JAG2: variants seen among roughly 807,000 people sequenced by gnomAD.
JAG2 encodes the protein jagged canonical Notch ligand 2.
A neutral mutation model predicts 141.7 loss-of-function variants in JAG2; 46 were observed. The observed-to-expected ratio is 0.32, with a 90% confidence interval of 0.26 to 0.42. The LOEUF is 0.42. Ranked by LOEUF, JAG2 falls within the 10% of genes least tolerant of loss-of-function variation. The probability of loss-of-function intolerance (pLI) is 1.00; values close to 1 mark genes in which losing one functional copy is unlikely to be tolerated. For missense variants in JAG2, 1,500 were observed against 1,817.5 expected, an observed-to-expected ratio of 0.83 and a Z score of 3.18; for synonymous variants, 862 against 763.5, an observed-to-expected ratio of 1.13 and a Z score of -2.13.
rs1193759039 is a variant in JAG2 at position 105,143,542 on chromosome 14, G to C, written c.3181C>G (p.Leu1061Val). Residue 1061 changes from leucine (L) to valine (V), a missense_variant, in exon 25 of 26, where the codon CTG (leucine) becomes GTG (valine). Coordinates refer to ENST00000331782, the MANE Select transcript of JAG2 (RefSeq NM_002226.5). Reference sequence around the variant, plus strand: ...TTGACCTCGGTGACAGCCAGGAGCAGTGAGCTGTTCCCCCGCTGGGTGATG... The same window carrying C: ...TTGACCTCGGTGACAGCCAGGAGCACTGAGCTGTTCCCCCGCTGGGTGATG... Reference protein sequence around the residue: ...AAITQRGNSSLLLAVTEVKVE... With the variant: ...AAITQRGNSSVLLAVTEVKVE... 10 of 1,593,738 alleles carry C rather than the reference G, an allele frequency of 6.3e-6. No individual in the cohort carries two copies. The highest frequency in any genetic ancestry group is 8.5e-6 in the Non-Finnish European group (10 of 1,173,032).
intron 1 of JAG2, 121 bp from the exon 2 acceptor site, chr14:105,168,228 C>A: frequency 3.4e-6 from 3 of 882,138 alleles, no homozygotes; most frequent in Non-Finnish European, 4.2e-6. Flanking sequence ...CGCCCGGAGC[C>A]CCAGCCGCCG....
intron 2 of JAG2, among the ~76,000 whole-genome samples, chr14:105,163,011 C>T (rs1012312757): frequency 5.3e-5 from 8 of 151,462 alleles, no homozygotes; most frequent in South Asian, 2.1e-4. Context: ...GCCCCGCTAA[C>T]GGCCCCCCCA....
Position 105,142,308 on chromosome 14 carries a change from C to T in JAG2, c.*387G>A, listed in dbSNP as rs587730455. The T allele has an allele frequency of 1.8e-3, 396 of 215,926 alleles. 4 individuals are homozygous for T. The highest frequency in any genetic ancestry group is 8.7e-3 in the African/African-American group (366 of 42,144). 13.4% of individuals were successfully genotyped at this position (215,926 alleles called of 1,614,324 possible). ...ACACCAACACAGCCATGGGTCTCAC[C>T]GGCACTTTGGCCTGGAGCCACAGAG... On this transcript the variant is annotated 3_prime_UTR_variant, in exon 26 of 26. Coordinates refer to ENST00000331782, the MANE Select transcript of JAG2 (RefSeq NM_002226.5).
chr14:105,164,651 C>A (rs1372858420), intron 2 of JAG2, among the ~76,000 whole-genome samples: 6 of 152,104 alleles, frequency 3.9e-5, no homozygotes, highest in African/African-American at 1.2e-4. Context: ...AGCCCTAGGG[C>A]GGCTGGATGC....
chr14:105,157,380 T>A (rs973587180), intron 3 of JAG2, among the ~76,000 whole-genome samples: 4 of 151,530 alleles, frequency 2.6e-5, no homozygotes, highest in Admixed American at 2.6e-4. Flanking sequence ...GGCTCCATGC[T>A]CCAGTACAGA....
rs760779273 is a variant in JAG2, at chr14:105,150,913, T to G, written c.1382-2A>C. On this transcript the variant is annotated splice_acceptor_variant, in intron 10 of 25. Transcript: ENST00000331782. LOFTEE classifies it high-confidence loss of function. Reference sequence around the variant, plus strand: ...ACTGCCCGCGACAGTCGTTGACGTCTGGGGGCAGAGGAGCAGGGTCAGAGG... The same window carrying G: ...ACTGCCCGCGACAGTCGTTGACGTCGGGGGGCAGAGGAGCAGGGTCAGAGG... 1 of 1,594,892 alleles carries G rather than the reference T, an allele frequency of 6.3e-7. No homozygotes were observed. Among genetic ancestry groups the G allele is most frequent in the African/African-American group, 1.3e-5 (1 of 74,638 alleles).
rs777136611 is a variant in JAG2, at chr14:105,150,666, C to T, written c.1540G>A (p.Glu514Lys). The T allele has an allele frequency of 8.4e-6, 13 of 1,550,312 alleles. No individual in the cohort carries two copies. The highest frequency in any genetic ancestry group is 4.1e-5 in the African/African-American group (3 of 73,050). ...SSPCHSGGLC[E>K]DLADGFHCHC... ...CAGTGGAAGCCGTCGGCCAGGTCCT[C>T]GCAGAGGCCGCCGCTGTGGCAGGGG... Residue 514 changes from glutamate (E) to lysine (K), a missense_variant, in exon 12 of 26, where the codon GAG becomes AAG. Transcript: ENST00000331782.
chr14:105,158,576 C>T (rs1888643272), intron 2 of JAG2, among the ~76,000 whole-genome samples: 1 of 152,154 alleles, frequency 6.6e-6, no homozygotes, highest in African/African-American at 2.4e-5. Flanking sequence ...GTGCAGCCCA[C>T]GGAGACCGTC....
At chr14:105,146,565 A>G (rs762554616) in intron 21 of JAG2, 46 bp downstream of exon 21, 3 of 1,602,190 alleles carry the variant, frequency 1.9e-6, no homozygotes, top group Non-Finnish European at 2.6e-6. Context: ...GGTGTCACCC[A>G]TGCCCCCCAA....
intron 25 of JAG2, 73 bp downstream of exon 25, chr14:105,143,408 GA>G (rs1566758173): frequency 6.7e-7 from 1 of 1,500,508 alleles, no homozygotes; most frequent in Non-Finnish European, 9.0e-7. Flanking sequence ...GGATCGGCAG[GA>G]TCGGCCGGCT....
chr14:105,146,851 T>C, intron 20 of JAG2, 127 bp from the exon 21 acceptor site: 1 of 801,100 alleles, frequency 1.2e-6, no homozygotes, highest in Non-Finnish European at 2.1e-6. Context: ...GAGCAGCCCC[T>C]GCCCCCGAGC....
At chr14:105,150,022 G>T (rs1339752831) in intron 12 of JAG2, among the ~76,000 whole-genome samples, 1 of 54,184 alleles carries the variant, frequency 1.8e-5, no homozygotes. Context: ...TGAGGTGGGT[G>T]GGGGGAGGCA....
In JAG2 at chr14:105,143,094, T is replaced by C. The variant is rs1888112873; in HGVS notation, c.3318A>G (p.Thr1106=). 1.3e-6 allele frequency: 2 copies of C among 1,599,814 alleles called. No individual in the cohort carries two copies. The highest frequency in any genetic ancestry group is 2.7e-5 in the African/African-American group (2 of 74,890). ...TCTCCCGCTCTTTCCTGCGCTTGCG[T>C]GTCCACCACACGCACAGGACCACGC... is the stretch of plus-strand genomic sequence containing the variant. ...LACVVLCVWW[T]RKRRKERERS... The change falls in exon 26 of 26, where the codon ACA becomes ACG. Residue 1106 remains threonine (T), a synonymous_variant. Coordinates refer to ENST00000331782, the MANE Select transcript of JAG2 (RefSeq NM_002226.5).
rs1254956027 is a variant in JAG2, at chr14:105,149,326, G to A, written c.1603-6C>T. On this transcript the variant is annotated splice_region_variant and splice_polypyrimidine_tract_variant and intron_variant, in intron 12 of 25. Transcript: ENST00000331782. ...TCACAAAGGTCGACATCCACCTGCA[G>A]GGTGGGGGGTGCCTGTGAGAGCCTA... is the stretch of plus-strand genomic sequence containing the variant. 20 of 1,612,560 alleles carry A rather than the reference G, an allele frequency of 1.2e-5. No homozygotes were observed. Among genetic ancestry groups the A allele is most frequent in the Non-Finnish European group, 1.7e-5 (20 of 1,179,950 alleles).
At chr14:105,150,538 G>A in intron 12 of JAG2, 66 bp downstream of exon 12, 2 of 1,471,028 alleles carry the variant, frequency 1.4e-6, no homozygotes, top group Non-Finnish European at 1.8e-6. Flanking sequence ...CCCATGGTCA[G>A]GGGACGAGGC....
chr14:105,143,206 G>A (rs1206068854), intron 25 of JAG2, 36 bp from the exon 26 acceptor site: 3 of 1,580,070 alleles, frequency 1.9e-6, no homozygotes, highest in South Asian at 2.2e-5. Flanking sequence ...GGGCAATGAG[G>A]CCTGGGCACC....
rs766667196 is a variant in JAG2, at chr14:105,151,926, C to A, written c.1039+12G>T. 1.2e-6 allele frequency: 2 copies of A among 1,612,516 alleles called. No homozygotes were observed. Among genetic ancestry groups the A allele is most frequent in the African/African-American group, 1.3e-5 (1 of 74,928 alleles). The stretch of plus-strand genomic sequence containing the variant: ...GCCTGGCCAGAATTTGGGTGGCCAG[C>A]CCCCCACGTACCCTTCTCACAGTTC... On this transcript the variant is annotated intron_variant, in intron 7 of 25. Coordinates refer to ENST00000331782, the MANE Select transcript of JAG2 (RefSeq NM_002226.5).
At chr14:105,168,169 C>T in intron 1 of JAG2, 62 bp from the exon 2 acceptor site, 1 of 1,389,432 alleles carries the variant, frequency 7.2e-7, no homozygotes, top group South Asian at 1.5e-5. Flanking sequence ...GGCCGGGCGC[C>T]AGGGGTGGGG....
At chr14:105,153,102 G>C (rs994883481) in intron 5 of JAG2, among the ~76,000 whole-genome samples, 2 of 152,068 alleles carry the variant, frequency 1.3e-5, no homozygotes, top group African/African-American at 4.8e-5. Context: ...CTCCCGGGGG[G>C]CCCTTCCTAG....
Sources: gnomAD v4.1 joint callset for allele counts (sites outside exome capture counted in the v4.1 genomes callset) on GRCh38, gnomAD v4.1.1 for gene constraint, MANE v1.5 for transcripts, NCBI Gene and HGNC (gene_info 2026-07-23, HGNC 2026-07-21) for gene names.